The following ASPRV1 variants were observed in gnomAD, a reference collection of about 807,000 sequenced individuals.
ASPRV1 encodes aspartic peptidase retroviral like 1, also known as retroviral-like aspartic protease 1.
A neutral mutation model predicts 11.0 loss-of-function variants in ASPRV1; 7 were observed. The observed-to-expected ratio is 0.64, with a 90% CI of 0.36 to 1.20. The LOEUF is 1.20. ASPRV1 is among the 50% of genes most tolerant of loss of function. ASPRV1 has a pLI of 0.02. For missense variants in ASPRV1, 299 were observed against 320.0 expected (o/e 0.93, Z 0.50); for synonymous variants, 136 against 138.4 (o/e 0.98, Z 0.12).
the ASPRV1 span, chr2:70,050,062 T>G: frequency 1.3e-5 from 2 of 152,028 alleles, no homozygotes; most frequent in African/African-American, 4.8e-5. Flanking sequence ...GGTGGGCAGA[T>G]CACAAGGTCA....
the ASPRV1 span, among the ~76,000 whole-genome samples, chr2:70,011,232 A>G: frequency 6.6e-6 from 1 of 152,134 alleles, no homozygotes; most frequent in Admixed American, 6.5e-5. Context: ...GTTTAACTAT[A>G]TAACAAACTT....
At chr2:69,975,051 A>T in the ASPRV1 span, among the ~76,000 whole-genome samples, 1 of 152,222 alleles carries the variant, frequency 6.6e-6, no homozygotes, top group Non-Finnish European at 1.5e-5. Flanking sequence ...TCCCACACCC[A>T]TATTCCTCTG....
chr2:69,969,517 C>G, the ASPRV1 span, among the ~76,000 whole-genome samples: 1 of 152,128 alleles, frequency 6.6e-6, no homozygotes, highest in Non-Finnish European at 1.5e-5. Context: ...CCCCTCTGTC[C>G]TTTGTGGGTT....
the ASPRV1 span, chr2:69,940,779 A>G: frequency 6.6e-6 from 1 of 152,646 alleles, no homozygotes; most frequent in African/African-American, 2.4e-5. Flanking sequence ...AGGTAGACCG[A>G]GTCAGCATGC....
At chr2:69,967,495 G>C in the ASPRV1 span, among the ~76,000 whole-genome samples, 1 of 152,312 alleles carries the variant, frequency 6.6e-6, no homozygotes, top group East Asian at 1.9e-4. Flanking sequence ...TCTGAGCGGG[G>C]GATGTGGATA....
At chr2:69,988,770 T>C in the ASPRV1 span, 1 of 456,624 alleles carries the variant, frequency 2.2e-6, no homozygotes, top group Non-Finnish European at 4.4e-6. Flanking sequence ...AGACGAGAGC[T>C]TATAACGAAG....
the ASPRV1 span, among the ~76,000 whole-genome samples, chr2:69,986,669 A>G: frequency 6.6e-6 from 1 of 152,114 alleles, no homozygotes; most frequent in Non-Finnish European, 1.5e-5. Flanking sequence ...TTTAATCCAG[A>G]TGGTGGGGGA....
At chr2:69,938,324 T>C in the ASPRV1 span, 8 of 1,603,060 alleles carry the variant, frequency 5.0e-6, no homozygotes, top group East Asian at 6.7e-5. Context: ...AGGTTCTCCC[T>C]GTTGGTTCTG....
the ASPRV1 span, among the ~76,000 whole-genome samples, chr2:70,066,960 A>C: frequency 6.6e-6 from 1 of 152,146 alleles, no homozygotes; most frequent in Non-Finnish European, 1.5e-5. Flanking sequence ...GGTGAATAAA[A>C]TTAAGACTGG....
At chr2:69,938,204 G>A in the ASPRV1 span, 65 of 1,614,042 alleles carry the variant, frequency 4.0e-5, no homozygotes, top group Admixed American at 6.7e-5. Context: ...GCAGAGCCTC[G>A]GCAGTGATGA....
chr2:70,042,235 A>G, the ASPRV1 span, among the ~76,000 whole-genome samples: 2 of 152,194 alleles, frequency 1.3e-5, no homozygotes, highest in East Asian at 3.8e-4. Flanking sequence ...ATCCAGGGCA[A>G]GAGCTCAACA....
the ASPRV1 span, among the ~76,000 whole-genome samples, chr2:70,028,967 C>A: frequency 6.6e-6 from 1 of 152,142 alleles, no homozygotes; most frequent in Admixed American, 6.6e-5. Context: ...AAAATAAATT[C>A]TCCTTCCCAA....
the ASPRV1 span, among the ~76,000 whole-genome samples, chr2:70,080,419 G>A: frequency 3.9e-5 from 6 of 152,086 alleles, no homozygotes; most frequent in Non-Finnish European, 8.8e-5. Flanking sequence ...TAGAGACAGG[G>A]TTTCACCACG....
the ASPRV1 span, among the ~76,000 whole-genome samples, chr2:70,023,156 G>C: frequency 1.5e-4 from 23 of 152,190 alleles, no homozygotes; most frequent in Non-Finnish European, 3.1e-4. Context: ...AGTCCCGCCA[G>C]AACAGGCTGG....
At chr2:69,992,580 C>T in the ASPRV1 span, among the ~76,000 whole-genome samples, 2 of 152,180 alleles carry the variant, frequency 1.3e-5, no homozygotes, top group Non-Finnish European at 2.9e-5. Context: ...GCAGGTTTTC[C>T]TCTACCCCTC....
the ASPRV1 span, among the ~76,000 whole-genome samples, chr2:69,978,019 C>T: frequency 1.3e-5 from 2 of 152,188 alleles, no homozygotes; most frequent in African/African-American, 4.8e-5. Flanking sequence ...CAAACTCAGA[C>T]ATCCCCTACC....
chr2:69,989,577 G>A, the ASPRV1 span, among the ~76,000 whole-genome samples: 4 of 152,332 alleles, frequency 2.6e-5, no homozygotes, highest in Non-Finnish European at 2.9e-5. Context: ...GGCCAGTCCC[G>A]GCGCTCATTT....
chr2:70,011,712 C>G, the ASPRV1 span: 1 of 152,288 alleles, frequency 6.6e-6, no homozygotes, highest in African/African-American at 2.4e-5. Flanking sequence ...GAGCCCGGGA[C>G]AGACATCTGG....
the ASPRV1 span, among the ~76,000 whole-genome samples, chr2:69,980,966 G>A: frequency 6.6e-6 from 1 of 152,022 alleles, no homozygotes; most frequent in South Asian, 2.1e-4. Flanking sequence ...GGTAGAGATG[G>A]GGTTTCTCCA....
Sources: gnomAD v4.1 joint callset for allele counts (sites outside exome capture counted in the v4.1 genomes callset) on GRCh38, gnomAD v4.1.1 for gene constraint, MANE v1.5 for transcripts, NCBI Gene and HGNC (gene_info 2026-07-23, HGNC 2026-07-21) for gene names.